The following RUVBL2 variants were observed in gnomAD, a reference collection of about 807,000 sequenced individuals.
RUVBL2 encodes the protein RuvB like AAA ATPase 2.
Under a neutral mutation model 57.9 loss-of-function variants are expected in RUVBL2, and 9 were observed. The ratio of observed to expected loss-of-function variants is 0.16; its 90% confidence interval spans 0.09 to 0.27. The LOEUF is 0.27. Among genes scored for constraint, RUVBL2 ranks in the 10% least tolerant of loss-of-function variants. The probability of loss-of-function intolerance (pLI) is 1.00; values close to 1 mark genes in which losing one functional copy is unlikely to be tolerated. For synonymous variants in RUVBL2, 278 were observed against 264.6 expected, an observed-to-expected ratio of 1.05 and a Z score of -0.49; for missense variants, 456 against 669.6, an observed-to-expected ratio of 0.68 and a Z score of 3.52.
At position 49,010,487 on chromosome 19, in the gene RUVBL2, G is replaced by A; in HGVS notation, c.664-1G>A. On this transcript the variant is annotated splice_acceptor_variant, in intron 8 of 14. Coordinates refer to ENST00000595090, the MANE Select transcript of RUVBL2 (RefSeq NM_006666.3). LOFTEE classifies it high-confidence loss of function. ...GTTCTTCCCCCACCCCCGCCCCATA[G>A]ACCAAGTTCGTGCAGTGCCCAGATG... 6.2e-6 allele frequency: 3 copies of A among 482,068 alleles called. No individual in the cohort carries two copies. The highest frequency in any genetic ancestry group is 5.1e-5 in the African/African-American group (1 of 19,658). 29.9% of individuals were successfully genotyped at this position (482,068 alleles called of 1,614,324 possible). A position where few individuals can be genotyped will look rare whatever the true frequency, so the allele number is the denominator to read the frequency against.
chr19:48,995,509 T>G (rs997039134), intron 1 of RUVBL2, among the ~76,000 whole-genome samples: 1 of 151,372 alleles, frequency 6.6e-6, no homozygotes, highest in African/African-American at 2.4e-5. Flanking sequence ...GGAGGAGGCT[T>G]CCTCTGGGCT....
intron 1 of RUVBL2, among the ~76,000 whole-genome samples, chr19:48,997,497 C>T (rs532851151): frequency 3.2e-4 from 48 of 151,784 alleles, no homozygotes; most frequent in Admixed American, 7.9e-4. Context: ...GGTGTGGTGG[C>T]GGACACCTGT....
intron 3 of RUVBL2, among the ~76,000 whole-genome samples, chr19:49,003,867 T>TA (rs1447875359): frequency 1.3e-5 from 2 of 151,080 alleles, no homozygotes; most frequent in Non-Finnish European, 2.9e-5. Context: ...GTAATCCCAA[T>TA]ACTTTGGGAG....
At chr19:48,996,150 C>CAA (rs533205646) in intron 1 of RUVBL2, among the ~76,000 whole-genome samples, 2 of 140,778 alleles carry the variant, frequency 1.4e-5, no homozygotes, top group African/African-American at 2.6e-5. Flanking sequence ...GATCTTATCT[C>CAA]AAAAAAAAAA....
chr19:49,001,771 C>T (rs538976914), intron 2 of RUVBL2, among the ~76,000 whole-genome samples: 5 of 151,854 alleles, frequency 3.3e-5, no homozygotes, highest in African/African-American at 9.7e-5. Flanking sequence ...ACACCACGGC[C>T]GTCTAATTTT....
At position 49,010,461 on chromosome 19, in the gene RUVBL2, C is replaced by T. The variant is rs114548810; in HGVS notation, c.664-27C>T. On this transcript the variant is annotated intron_variant, in intron 8 of 14. Coordinates refer to ENST00000595090, the MANE Select transcript of RUVBL2 (RefSeq NM_006666.3). The stretch of plus-strand genomic sequence containing the variant: ...ATGCCCTTCCCTGCCCTGTCTCCGC[C>T]GTTCTTCCCCCACCCCCGCCCCATA... The T allele has an allele frequency of 5.5e-5, 86 of 1,564,792 alleles. No homozygotes were observed. In the African/African-American group the frequency reaches 8.6e-4, roughly 16 times the overall value.
At chr19:48,993,527 AGCTCTGTCAATCTG>A, upstream of RUVBL2, 1 of 442,508 alleles carries the variant, frequency 2.3e-6, no homozygotes, top group South Asian at 2.2e-5. Context: ...AGTGGCCTTC[AGCTCTGTCAATCTG>A]GAGCTGGAGG....
chr19:48,994,089 A>C, intron 1 of RUVBL2, 166 bp downstream of exon 1: 10 of 100,756 alleles, frequency 9.9e-5, no homozygotes, highest in East Asian at 6.0e-4. Flanking sequence ...CTGGGGGAGA[A>C]GGGGACATGG....
intron 1 of RUVBL2, chr19:48,994,124 G>A (rs979729938): frequency 4.1e-5 from 23 of 565,192 alleles, no homozygotes; most frequent in African/African-American, 7.6e-5. Flanking sequence ...GATCTGAGGC[G>A]GGGAGGGGGC....
At chr19:49,009,356 G>A (rs112499078) in intron 6 of RUVBL2, among the ~76,000 whole-genome samples, 9 of 145,906 alleles carry the variant, frequency 6.2e-5, no homozygotes, top group South Asian at 2.2e-4. Context: ...GCGTGGTGGC[G>A]GGCGCCTGTA....
At chr19:49,010,669 C>T (rs1050100450) in intron 9 of RUVBL2, 58 bp downstream of exon 9, 28 of 1,601,990 alleles carry the variant, frequency 1.7e-5, no homozygotes, top group Admixed American at 6.8e-5. Flanking sequence ...CAGCCTCCCT[C>T]GGGCTCCCTC....
chr19:48,993,707 T>G, upstream of RUVBL2: 3 of 645,488 alleles, frequency 4.6e-6, no homozygotes, highest in South Asian at 5.4e-5. Flanking sequence ...ACATTGGGAA[T>G]GGACCCAGGA....
Position 49,015,349 on chromosome 19 carries a change from C to G in RUVBL2, c.1251+199C>G, listed in dbSNP as rs2039524784. On this transcript the variant is annotated intron_variant, in intron 13 of 14. Coordinates refer to ENST00000595090, the MANE Select transcript of RUVBL2 (RefSeq NM_006666.3). ...AAATCTCTCTTGACTTAAGTAGATG[C>G]TGTTAGGTCCACCTTACAGATAAAG... 1.2e-5 allele frequency: 9 copies of G among 734,374 alleles called. No individual in the cohort carries two copies. In the South Asian group the frequency reaches 1.6e-4, roughly 13 times the overall value. 45.5% of individuals were successfully genotyped at this position (734,374 alleles called of 1,614,324 possible).
At chr19:48,993,598 C>A (rs2038988872), upstream of RUVBL2, 1 of 523,786 alleles carries the variant, frequency 1.9e-6, no homozygotes, top group Non-Finnish European at 3.5e-6. Flanking sequence ...AGGAAAGGAG[C>A]GTGGAGGACG....
intron 13 of RUVBL2, 185 bp downstream of exon 13, chr19:49,015,335 G>C (rs2039524440): frequency 1.3e-6 from 1 of 783,228 alleles, no homozygotes; most frequent in Non-Finnish European, 2.0e-6. Context: ...AATCTCTCTT[G>C]ACTTAAGTAG....
intron 11 of RUVBL2, among the ~76,000 whole-genome samples, chr19:49,012,881 A>ACACACC (rs2039459652): frequency 6.7e-6 from 1 of 148,472 alleles, no homozygotes; most frequent in African/African-American, 2.6e-5. Context: ...ACACACACAC[A>ACACACC]CACCACCCCT....
intron 1 of RUVBL2, chr19:48,994,181 C>A (rs888522410): frequency 4.3e-5 from 24 of 557,460 alleles, no homozygotes; most frequent in Middle Eastern, 4.7e-4. Context: ...TATAGGAACT[C>A]CAACTTTCAA....
intron 1 of RUVBL2, 164 bp downstream of exon 1, chr19:48,994,087 G>C: frequency 2.6e-6 from 1 of 380,460 alleles, no homozygotes; most frequent in Non-Finnish European, 5.0e-6. Context: ...ATCTGGGGGA[G>C]AAGGGGACAT....
intron 1 of RUVBL2, among the ~76,000 whole-genome samples, chr19:48,996,586 C>T (rs943810295): frequency 2.6e-5 from 4 of 151,608 alleles, no homozygotes; most frequent in Non-Finnish European, 4.4e-5. Flanking sequence ...AGTGCAGTGG[C>T]GCGATCTCTG....
Sources: allele counts gnomAD v4.1 joint callset (sites outside exome capture counted in the v4.1 genomes callset), GRCh38; gene constraint gnomAD v4.1.1; transcripts MANE v1.5; gene names NCBI Gene and HGNC (gene_info 2026-07-23, HGNC 2026-07-21).